BEAN1: variants seen among roughly 807,000 people sequenced by gnomAD.
BEAN1 encodes the protein brain expressed associated with NEDD4 1, also known as protein BEAN1.
In BEAN1, 17 loss-of-function variants were observed where a neutral mutation model predicts 17.7. That is an observed-to-expected ratio of 0.96 (90% CI 0.66 to 1.44). BEAN1 has a LOEUF of 1.44. Among genes scored for constraint, BEAN1 ranks in the 40% most tolerant of loss-of-function variants. The pLI is 0.00. For synonymous variants in BEAN1, 142 were observed against 151.8 expected, an observed-to-expected ratio of 0.94 and a Z score of 0.47; for missense variants, 359 against 374.1, an observed-to-expected ratio of 0.96 and a Z score of 0.33.
intron 2 of BEAN1, among the ~76,000 whole-genome samples, chr16:66,461,774 G>C (rs1179350407): frequency 6.6e-6 from 1 of 152,144 alleles, no homozygotes; most frequent in Non-Finnish European, 1.5e-5. Context: ...CTTGGAGCCA[G>C]CCCACTATTC....
Position 66,481,185 on chromosome 16 carries a change from T to C in BEAN1, c.*260T>C. The stretch of plus-strand genomic sequence containing the variant: ...CCACCTGCAAAGGTTTCACGGAACG[T>C]GGAGCTCTCCTGGCCTCCCGTCCCT... On this transcript the variant is annotated 3_prime_UTR_variant, in exon 5 of 5. Transcript: ENST00000536005. This position sits in a 1 kb window ranked among gnomAD's most constrained non-coding sequence, Gnocchi z 4.1. The C allele has an allele frequency of 4.8e-6, 2 of 416,534 alleles. No individual in the cohort carries two copies. The highest frequency in any genetic ancestry group is 8.4e-6 in the Non-Finnish European group (2 of 237,166). 25.8% of individuals were successfully genotyped at this position (416,534 alleles called of 1,614,324 possible).
chr16:66,447,744 C>T (rs1183844134), intron 2 of BEAN1, among the ~76,000 whole-genome samples: 2 of 152,174 alleles, frequency 1.3e-5, no homozygotes, highest in East Asian at 3.9e-4. Context: ...AGGTTGGTTG[C>T]AAGAGGTCAT....
chr16:66,490,262 T>A (rs1964147138), intron 4 of BEAN1, among the ~76,000 whole-genome samples: 1 of 139,320 alleles, frequency 7.2e-6, no homozygotes, highest in Non-Finnish European at 1.5e-5. Flanking sequence ...CCAGGCATAG[T>A]GGCACATGCA....
chr16:66,453,973 A>T (rs1373957819), intron 2 of BEAN1, among the ~76,000 whole-genome samples: 2 of 152,120 alleles, frequency 1.3e-5, no homozygotes, highest in Non-Finnish European at 2.9e-5. Context: ...ACCTCAAATG[A>T]TCCTCCTGCC....
intron 2 of BEAN1, among the ~76,000 whole-genome samples, chr16:66,468,883 T>C (rs1162276388): frequency 6.6e-6 from 1 of 152,134 alleles, no homozygotes; most frequent in East Asian, 1.9e-4. Context: ...CGTAGGACTC[T>C]CAAGGATCCA....
intron 2 of BEAN1, among the ~76,000 whole-genome samples, chr16:66,467,453 C>T (rs1963296821): frequency 6.6e-6 from 1 of 152,158 alleles, no homozygotes; most frequent in Non-Finnish European, 1.5e-5. Flanking sequence ...CAGACACTTA[C>T]AAAACCATCA....
chr16:66,480,514 A>T, intron 4 of BEAN1, 72 bp from the exon 5 acceptor site: 1 of 1,230,202 alleles, frequency 8.1e-7, no homozygotes, highest in Non-Finnish European at 1.1e-6. Flanking sequence ...CTGCAGATAG[A>T]CCCCCAGGCC....
chr16:66,450,380 A>C (rs1962626319), intron 2 of BEAN1, among the ~76,000 whole-genome samples: 1 of 152,230 alleles, frequency 6.6e-6, no homozygotes, highest in African/African-American at 2.4e-5. Flanking sequence ...TTCTAAGTGT[A>C]CTGCAATAAC....
chr16:66,477,480 C>T, intron 3 of BEAN1, 80 bp from the exon 4 acceptor site: 1 of 1,359,154 alleles, frequency 7.4e-7, no homozygotes, highest in Non-Finnish European at 9.6e-7. Context: ...GCCTCCATGG[C>T]CCCAGGTAGA....
chr16:66,461,230 G>A (rs1054306021), intron 2 of BEAN1, among the ~76,000 whole-genome samples: 1 of 152,148 alleles, frequency 6.6e-6, no homozygotes, highest in African/African-American at 2.4e-5. Context: ...TTATTTCTCT[G>A]CAGTCATATT....
chr16:66,489,324 T>C (rs898186719), intron 4 of BEAN1, among the ~76,000 whole-genome samples: 2 of 152,190 alleles, frequency 1.3e-5, no homozygotes, highest in Admixed American at 6.5e-5. Context: ...TCTTGGTTCA[T>C]AAGATGAGAG....
rs1014575066 is a variant in BEAN1 at position 66,434,869 on chromosome 16, C to T, written c.-82-2726C>T. 4.6e-5 allele frequency among the ~76,000 whole-genome samples: 7 copies of T among 152,128 alleles called. No individual in the cohort carries two copies. The highest frequency in any genetic ancestry group is 1.7e-4 in the African/African-American group (7 of 41,438). The stretch of plus-strand genomic sequence containing the variant: ...TCTAGTGTTTCCATGCACTTTTGAA[C>T]TTCCCCTCCGTTCCCAACCCTGAGC... On this transcript the variant is annotated intron_variant, in intron 1 of 4. Transcript: ENST00000536005. This position sits in a 1 kb window ranked among gnomAD's most constrained non-coding sequence, Gnocchi z 4.3.
intron 2 of BEAN1, among the ~76,000 whole-genome samples, chr16:66,458,114 T>C (rs1962941628): frequency 6.6e-6 from 1 of 152,200 alleles, no homozygotes; most frequent in Non-Finnish European, 1.5e-5. Context: ...CTTCTCCCTC[T>C]AACCAGCATC....
downstream of BEAN1, chr16:66,484,322 A>T (rs924371821): frequency 1.2e-5 from 4 of 335,252 alleles, no homozygotes; most frequent in Non-Finnish European, 2.4e-5. This position sits in a 1 kb window ranked among gnomAD's most constrained non-coding sequence, Gnocchi z 4.2. Flanking sequence ...CCCAACCGAA[A>T]CCACCCCACA....
At chr16:66,439,970 C>T (rs992224239) in intron 2 of BEAN1, among the ~76,000 whole-genome samples, 2 of 152,138 alleles carry the variant, frequency 1.3e-5, no homozygotes, top group Non-Finnish European at 2.9e-5. Context: ...GTCCAAGAAG[C>T]ACCTGGTGTC....
chr16:66,481,514 C>A lies in BEAN1; in HGVS notation c.*589C>A. The A allele has an allele frequency of 2.9e-6, 1 of 342,198 alleles. No individual in the cohort carries two copies. The allele number at this position is 342,198 out of a possible 1,614,324, so 21.2% of individuals were successfully genotyped here. On this transcript the variant is annotated 3_prime_UTR_variant, in exon 5 of 5. Transcript: ENST00000536005. This position sits in a 1 kb window ranked among gnomAD's most constrained non-coding sequence, Gnocchi z 4.1. ...GATGAGCCACAACATCACCACCCTG[C>A]CACTTACAAGGTGGGGGACCTGGGT... is the stretch of plus-strand genomic sequence containing the variant.
chr16:66,453,529 TTTA>T (rs1962755096), intron 2 of BEAN1, among the ~76,000 whole-genome samples: 1 of 152,018 alleles, frequency 6.6e-6, no homozygotes, highest in African/African-American at 2.4e-5. Flanking sequence ...CGGCTAACTT[TTTA>T]TTATTTTTTT....
chr16:66,492,733 A>G (rs926103790), intron 4 of BEAN1, among the ~76,000 whole-genome samples: 1 of 152,054 alleles, frequency 6.6e-6, no homozygotes, highest in Non-Finnish European at 1.5e-5. Context: ...GAGCCACCAC[A>G]CCCAGCCACT....
At chr16:66,467,350 G>A (rs1963291229) in intron 2 of BEAN1, among the ~76,000 whole-genome samples, 1 of 152,162 alleles carries the variant, frequency 6.6e-6, no homozygotes, top group Non-Finnish European at 1.5e-5. Flanking sequence ...GGTTCCAGAT[G>A]GCTGGAGAGG....
Sources: allele counts gnomAD v4.1 joint callset (sites outside exome capture counted in the v4.1 genomes callset), GRCh38; gene constraint gnomAD v4.1.1; non-coding constraint Gnocchi (gnomAD v3.1); transcripts MANE v1.5; gene names NCBI Gene and HGNC (gene_info 2026-07-23, HGNC 2026-07-21).